The following ST6GALNAC3 variants were observed in gnomAD, a reference collection of about 807,000 sequenced individuals.
ST6GALNAC3 encodes alpha-N-acetylgalactosaminide alpha-2,6-sialyltransferase 3.
ST6GALNAC3 carries 25 observed loss-of-function variants against 32.7 expected under a neutral mutation model. The ratio of observed to expected loss-of-function variants is 0.76; its 90% confidence interval spans 0.56 to 1.07. ST6GALNAC3 has a LOEUF of 1.07. ST6GALNAC3 is among the 50% of genes least tolerant of loss of function. ST6GALNAC3 has a pLI of 0.00. For missense variants in ST6GALNAC3, 355 were observed against 382.4 expected (o/e 0.93, Z 0.60); for synonymous variants, 129 against 133.1 (o/e 0.97, Z 0.21).
intron 1 of ST6GALNAC3, among the ~76,000 whole-genome samples, chr1:76,175,041 C>T (rs919991924): frequency 6.6e-6 from 1 of 152,170 alleles, no homozygotes; most frequent in Non-Finnish European, 1.5e-5. Context: ...CCATTACTTA[C>T]TTAATCTGTT....
chr1:76,302,059 G>A (rs186681189), intron 1 of ST6GALNAC3, among the ~76,000 whole-genome samples: 1 of 152,046 alleles, frequency 6.6e-6, no homozygotes, highest in Admixed American at 6.6e-5. Context: ...GATGATGGTG[G>A]TGGTGGTGGT....
intron 1 of ST6GALNAC3, among the ~76,000 whole-genome samples, chr1:76,304,924 C>T (rs1660953647): frequency 6.6e-6 from 1 of 151,910 alleles, no homozygotes; most frequent in African/African-American, 2.4e-5. Context: ...AGATGACAAG[C>T]AGAGGTTCGC....
chr1:76,148,943 A>G (rs1342848685), intron 1 of ST6GALNAC3, among the ~76,000 whole-genome samples: 1 of 152,188 alleles, frequency 6.6e-6, no homozygotes, highest in Non-Finnish European at 1.5e-5. Context: ...AGATTCTCCT[A>G]TTTACTCATT....
At chr1:76,485,825 A>G (rs1199274923) in intron 3 of ST6GALNAC3, among the ~76,000 whole-genome samples, 1 of 152,138 alleles carries the variant, frequency 6.6e-6, no homozygotes, top group African/African-American at 2.4e-5. Flanking sequence ...TAGGGTGTCC[A>G]TTTTAGATCT....
intron 3 of ST6GALNAC3, among the ~76,000 whole-genome samples, chr1:76,432,854 A>G (rs1416596338): frequency 9.9e-5 from 15 of 152,184 alleles, no homozygotes; most frequent in Admixed American, 9.8e-4. Context: ...TGTACCATCA[A>G]AAGATGTTTT....
At chr1:76,285,385 G>GGTGTGTGTGTGTGTGTGT (rs140357874) in intron 1 of ST6GALNAC3, among the ~76,000 whole-genome samples, 2,331 of 148,412 alleles carry the variant, frequency 0.016, 23 homozygotes, top group African/African-American at 0.034. Flanking sequence ...TCGGGAGGAT[G>GGTGTGTGTGTGTGTGTGT]GTGTGTGTGT....
chr1:76,470,592 G>GA (rs1224118228), intron 3 of ST6GALNAC3, among the ~76,000 whole-genome samples: 1 of 151,978 alleles, frequency 6.6e-6, no homozygotes, highest in African/African-American at 2.4e-5. Flanking sequence ...TCTCCCTGTT[G>GA]AAAAAACCTT....
At chr1:76,348,583 CT>C (rs1010885825) in intron 2 of ST6GALNAC3, among the ~76,000 whole-genome samples, 8 of 150,478 alleles carry the variant, frequency 5.3e-5, no homozygotes, top group Admixed American at 1.3e-4. Context: ...GATTTTCCAA[CT>C]TTTTTTCTTT....
chr1:76,191,009 T>C (rs1380548982), intron 1 of ST6GALNAC3, among the ~76,000 whole-genome samples: 7 of 152,178 alleles, frequency 4.6e-5, no homozygotes, highest in African/African-American at 7.2e-5. Context: ...ACCATCTCAC[T>C]GAACCAGAAA....
intron 3 of ST6GALNAC3, among the ~76,000 whole-genome samples, chr1:76,521,598 T>G (rs558378793): frequency 6.6e-6 from 1 of 152,192 alleles, no homozygotes; most frequent in Non-Finnish European, 1.5e-5. Flanking sequence ...TTTTCCTTTA[T>G]GATTGATTAT....
At chr1:76,549,695 C>T (rs1664509120) in intron 3 of ST6GALNAC3, among the ~76,000 whole-genome samples, 1 of 151,952 alleles carries the variant, frequency 6.6e-6, no homozygotes, top group South Asian at 2.1e-4. Flanking sequence ...GTTTCTTAGT[C>T]TAAGATATAT....
intron 3 of ST6GALNAC3, among the ~76,000 whole-genome samples, chr1:76,514,534 G>T (rs928174268): frequency 7.2e-5 from 11 of 152,110 alleles, no homozygotes; most frequent in Admixed American, 2.0e-4. Context: ...TCTCTCAGGA[G>T]TGGACTGGTT....
intron 1 of ST6GALNAC3, among the ~76,000 whole-genome samples, chr1:76,162,247 GA>G (rs1651857667): frequency 1.3e-5 from 2 of 152,328 alleles, no homozygotes; most frequent in Middle Eastern, 3.4e-3. Context: ...CCATGTAAAA[GA>G]TGCTCAGCCT....
intron 3 of ST6GALNAC3, among the ~76,000 whole-genome samples, chr1:76,544,100 TG>T (rs960569376): frequency 7.2e-6 from 1 of 138,490 alleles, no homozygotes; most frequent in African/African-American, 2.6e-5. Context: ...TATATATATA[TG>T]AAATTTAAAT....
intron 2 of ST6GALNAC3, among the ~76,000 whole-genome samples, chr1:76,406,230 G>T (rs1323072437): frequency 6.6e-6 from 1 of 152,030 alleles, no homozygotes; most frequent in Non-Finnish European, 1.5e-5. Flanking sequence ...CCAAGGACTT[G>T]CAAATGGCCA....
chr1:76,140,719 G>T (rs1456781375), intron 1 of ST6GALNAC3, among the ~76,000 whole-genome samples: 1 of 149,600 alleles, frequency 6.7e-6, no homozygotes, highest in African/African-American at 2.5e-5. Context: ...TGGGTCAAGG[G>T]ATCCTGCCAC....
At chr1:76,361,676 T>C (rs1308315192) in intron 2 of ST6GALNAC3, among the ~76,000 whole-genome samples, 1 of 152,176 alleles carries the variant, frequency 6.6e-6, no homozygotes, top group African/African-American at 2.4e-5. Context: ...ATTCTCATAC[T>C]GCTATAAAGA....
At chr1:76,260,389 C>G (rs1658159022) in intron 1 of ST6GALNAC3, among the ~76,000 whole-genome samples, 1 of 152,206 alleles carries the variant, frequency 6.6e-6, no homozygotes, top group South Asian at 2.1e-4. Flanking sequence ...AAAGGCTGAT[C>G]TTTAAGGCAA....
chr1:76,109,736 C>A (rs1557621145), intron 1 of ST6GALNAC3, among the ~76,000 whole-genome samples: 1 of 152,216 alleles, frequency 6.6e-6, no homozygotes, highest in Non-Finnish European at 1.5e-5. Context: ...TACAGGCACA[C>A]TTTGGGTGAA....
Sources: gnomAD v4.1 joint callset for allele counts (sites outside exome capture counted in the v4.1 genomes callset) on GRCh38, gnomAD v4.1.1 for gene constraint, MANE v1.5 for transcripts, NCBI Gene and HGNC (gene_info 2026-07-23, HGNC 2026-07-21) for gene names.